Variants in NEK6 observed in about 807,000 individuals in gnomAD.
NEK6 encodes the protein serine/threonine-protein kinase Nek6.
A neutral mutation model predicts 43.5 loss-of-function variants in NEK6; 27 were observed. The observed-to-expected ratio is 0.62, with a 90% CI of 0.46 to 0.86. NEK6 has a LOEUF of 0.86. Among genes scored for constraint, NEK6 ranks in the 40% least tolerant of loss-of-function variants. NEK6 has a pLI of 0.00. For missense variants in NEK6, 318 were observed against 414.4 expected (o/e 0.77, Z 2.02); for synonymous variants, 167 against 164.1 (o/e 1.02, Z -0.14).
Position 124,258,009 on chromosome 9 carries a change from T to G in NEK6, c.-106T>G. ...GTGCGGCCGCTGCGCCGCAAACTCG[T>G]GTGGGACGCACCGCTCCAGCCGCCC... is the stretch of plus-strand genomic sequence containing the variant. On this transcript the variant is annotated 5_prime_UTR_variant, in exon 1 of 10. Coordinates refer to ENST00000320246, the MANE Select transcript of NEK6 (RefSeq NM_014397.6). The G allele has an allele frequency of 1.0e-6, 1 of 977,538 alleles. No individual in the cohort carries two copies. The highest frequency in any genetic ancestry group is 1.2e-6 in the Non-Finnish European group (1 of 827,170). The allele number at this position is 977,538 out of a possible 1,614,324, so 60.6% of individuals were successfully genotyped here.
Position 124,351,322 on chromosome 9 carries a change from C to T in NEK6, c.*375C>T, listed in dbSNP as rs190024004. The T allele has an allele frequency of 6.7e-4, 138 of 204,812 alleles. 1 individual carries two copies. Among genetic ancestry groups the T allele is most frequent in the Middle Eastern group, 1.8e-3 (1 of 566 alleles). 12.7% of individuals were successfully genotyped at this position (204,812 alleles called of 1,614,324 possible). On this transcript the variant is annotated 3_prime_UTR_variant, in exon 10 of 10. Transcript: ENST00000320246. The stretch of plus-strand genomic sequence containing the variant: ...TGCTAACAGGAGACTTGCAGGAGAC[C>T]GTGTGATTTGTGTAGTGAGCCTTTG...
intron 9 of NEK6, 84 bp downstream of exon 9, chr9:124,347,906 G>A (rs751712667): frequency 3.5e-5 from 27 of 781,784 alleles, no homozygotes; most frequent in Non-Finnish European, 4.8e-5. Flanking sequence ...CCACAGCTGT[G>A]GGGCTGAGGT....
In NEK6 at chr9:124,351,669, G is replaced by GTGTT. The variant is rs1479865164; in HGVS notation, c.*723_*726dup. On this transcript the variant is annotated 3_prime_UTR_variant, in exon 10 of 10. Transcript: ENST00000320246. Reference sequence around the variant, plus strand: ...ATGCTGGCGGTTCATTTCATGATCAGTGTTAAGCATTTTCCTCCATGGGAA... The same window carrying GTGTT: ...ATGCTGGCGGTTCATTTCATGATCAGTGTTTGTTAAGCATTTTCCTCCATGGGAA... The GTGTT allele has an allele frequency of 2.0e-5, 3 of 152,208 alleles. No homozygotes were observed. Among genetic ancestry groups the GTGTT allele is most frequent in the African/African-American group, 7.2e-5 (3 of 41,438 alleles). The allele number at this position is 152,208 out of a possible 1,614,324, so 9.4% of individuals were successfully genotyped here. A position where few individuals can be genotyped will look rare whatever the true frequency, so the allele number is the denominator to read the frequency against.
intron 1 of NEK6, among the ~76,000 whole-genome samples, chr9:124,298,874 G>A (rs1832825099): frequency 6.6e-6 from 1 of 152,190 alleles, no homozygotes; most frequent in African/African-American, 2.4e-5. Context: ...GCAGGGCCCA[G>A]CATGATCAGG....
At chr9:124,311,023 G>A (rs1180914371) in intron 2 of NEK6, among the ~76,000 whole-genome samples, 1 of 152,252 alleles carries the variant, frequency 6.6e-6, no homozygotes, top group Non-Finnish European at 1.5e-5. Context: ...GAGAAGGACA[G>A]AGGAGAAGTT....
intron 2 of NEK6, among the ~76,000 whole-genome samples, chr9:124,311,355 G>T (rs1325231884): frequency 1.3e-5 from 2 of 152,280 alleles, no homozygotes; most frequent in East Asian, 3.9e-4. Context: ...TGGCCCCTCT[G>T]GGCCTCAGTT....
At chr9:124,336,995 CAAA>C (rs61536283) in intron 7 of NEK6, among the ~76,000 whole-genome samples, 50 of 127,450 alleles carry the variant, frequency 3.9e-4, no homozygotes, top group Middle Eastern at 3.7e-3. Flanking sequence ...GACTCTGTCT[CAAA>C]AAAAAAAAAA....
intron 1 of NEK6, among the ~76,000 whole-genome samples, chr9:124,266,771 A>G (rs1275438579): frequency 6.6e-6 from 1 of 152,144 alleles, no homozygotes; most frequent in Non-Finnish European, 1.5e-5. Context: ...ATCCTTGGAG[A>G]ATGTTTATAT....
chr9:124,267,955 C>T (rs774532382), intron 1 of NEK6, among the ~76,000 whole-genome samples: 5 of 152,232 alleles, frequency 3.3e-5, no homozygotes, highest in Non-Finnish European at 5.9e-5. Flanking sequence ...AACTCCCAAA[C>T]GGGCTGTGAT....
rs1207970554 is a variant in NEK6 at position 124,353,146 on chromosome 9, T to C, written c.*2199T>C. ...AGAACACAGCTTTGGCTTTGCCATTTTTTTCCTACTTGGCTGCTGAGGTGG... is the reference window on the plus strand; with the variant it reads ...AGAACACAGCTTTGGCTTTGCCATTCTTTTCCTACTTGGCTGCTGAGGTGG... On this transcript the variant is annotated 3_prime_UTR_variant, in exon 10 of 10. Coordinates refer to ENST00000320246, the MANE Select transcript of NEK6 (RefSeq NM_014397.6). 6.2e-6 allele frequency: 1 copy of C among 160,244 alleles called. No homozygotes were observed. Among genetic ancestry groups the C allele is most frequent in the Non-Finnish European group, 1.4e-5 (1 of 73,866 alleles). 9.9% of individuals were successfully genotyped at this position (160,244 alleles called of 1,614,324 possible). A position where few individuals can be genotyped will look rare whatever the true frequency, so the allele number is the denominator to read the frequency against.
At chr9:124,267,451 C>T (rs1161427219) in intron 1 of NEK6, among the ~76,000 whole-genome samples, 1 of 152,238 alleles carries the variant, frequency 6.6e-6, no homozygotes, top group Non-Finnish European at 1.5e-5. Context: ...TGTTCGTCTC[C>T]TCCGGGAATG....
intron 2 of NEK6, among the ~76,000 whole-genome samples, chr9:124,307,774 A>G (rs1294506592): frequency 1.3e-5 from 2 of 152,276 alleles, no homozygotes; most frequent in East Asian, 1.9e-4. Context: ...CTGGGTGACA[A>G]AGTCGCAAGG....
At chr9:124,327,729 G>T (rs1413724729) in intron 7 of NEK6, among the ~76,000 whole-genome samples, 1 of 152,228 alleles carries the variant, frequency 6.6e-6, no homozygotes, top group African/African-American at 2.4e-5. Context: ...CTGTGGCACA[G>T]GGCGGTCATC....
At chr9:124,287,866 C>G (rs947278119) in intron 1 of NEK6, among the ~76,000 whole-genome samples, 1 of 152,130 alleles carries the variant, frequency 6.6e-6, no homozygotes, top group East Asian at 1.9e-4. Flanking sequence ...GTCATTTCAC[C>G]CTCTGGAACC....
chr9:124,343,903 G>A lies in NEK6; in HGVS notation c.718-3806G>A, dbSNP rs531161982. Among the ~76,000 whole-genome samples the A allele has an allele frequency of 3.9e-3, 601 of 152,298 alleles. 1 individual carries two copies. The highest frequency in any genetic ancestry group is 0.013 in the African/African-American group (555 of 41,552). On this transcript the variant is annotated intron_variant, in intron 8 of 9. Transcript: ENST00000320246. This position sits in a 1 kb window ranked among gnomAD's most constrained non-coding sequence, Gnocchi z 5.1. ...CTGCAGTGACAGATGCCACCACGCC[G>A]ATGGCTTCAAGCAACATAAGTTTAC...
chr9:124,327,329 G>C lies in NEK6; in HGVS notation c.515-9G>C. ...ACCCCACACCAATCTCCTTCTCCTCGCCCTGCAGACATCAAGCCTGCCAAC... is the reference window on the plus strand; with the variant it reads ...ACCCCACACCAATCTCCTTCTCCTCCCCCTGCAGACATCAAGCCTGCCAAC... On this transcript the variant is annotated splice_polypyrimidine_tract_variant and intron_variant, in intron 6 of 9. Coordinates refer to ENST00000320246, the MANE Select transcript of NEK6 (RefSeq NM_014397.6). 1 of 1,611,972 alleles carries C rather than the reference G, an allele frequency of 6.2e-7. No individual in the cohort carries two copies. Among genetic ancestry groups the C allele is most frequent in the Non-Finnish European group, 8.5e-7 (1 of 1,178,866 alleles).
In NEK6 at chr9:124,319,099, C is replaced by T. The variant is rs140509128; in HGVS notation, c.295-2360C>T. The stretch of plus-strand genomic sequence containing the variant: ...TCCCAGGTTCAAGCGATTCTCCTGC[C>T]CCAACCTCTCGAGTAGCTGTGACTA... On this transcript the variant is annotated intron_variant, in intron 4 of 9. Coordinates refer to ENST00000320246, the MANE Select transcript of NEK6 (RefSeq NM_014397.6). Among the ~76,000 whole-genome samples the T allele has an allele frequency of 5.6e-3, 853 of 152,288 alleles. 4 individuals carry two copies. The highest frequency in any genetic ancestry group is 0.019 in the African/African-American group (787 of 41,564).
chr9:124,301,194 CA>C (rs1486946557), intron 1 of NEK6, among the ~76,000 whole-genome samples: 1 of 152,180 alleles, frequency 6.6e-6, no homozygotes, highest in Non-Finnish European at 1.5e-5. Flanking sequence ...TGGGGGAGGC[CA>C]GAGGCTAAAA....
At chr9:124,346,692 G>A (rs781515956) in intron 8 of NEK6, among the ~76,000 whole-genome samples, 44 of 152,146 alleles carry the variant, frequency 2.9e-4, no homozygotes, top group East Asian at 5.8e-4. Flanking sequence ...GGGCTGCTGC[G>A]CCACCGCCTC....
Sources: allele counts gnomAD v4.1 joint callset (sites outside exome capture counted in the v4.1 genomes callset), GRCh38; gene constraint gnomAD v4.1.1; non-coding constraint Gnocchi (gnomAD v3.1); transcripts MANE v1.5; gene names NCBI Gene and HGNC (gene_info 2026-07-23, HGNC 2026-07-21).